PANX1: variants seen among roughly 807,000 people sequenced by gnomAD.
PANX1 encodes pannexin-1.
PANX1 carries 30 observed loss-of-function variants against 38.7 expected under a neutral mutation model. That is an observed-to-expected ratio of 0.78 (90% CI 0.58 to 1.05). The LOEUF (loss-of-function observed/expected upper bound fraction) is 1.05. Ranked by LOEUF, PANX1 falls within the 50% of genes least tolerant of loss-of-function variation. PANX1 has a pLI of 0.00. For missense variants in PANX1, 551 were observed against 517.2 expected (o/e 1.07, Z -0.63); for synonymous variants, 230 against 212.2 (o/e 1.08, Z -0.73).
At chr11:94,169,785 G>A (rs750153581) in intron 2 of PANX1, among the ~76,000 whole-genome samples, 2 of 151,586 alleles carry the variant, frequency 1.3e-5, no homozygotes, top group Non-Finnish European at 2.9e-5. Context: ...ACTCGGGAGG[G>A]AGCATGGCCC....
chr11:94,175,088 G>T (rs550991183), intron 2 of PANX1, among the ~76,000 whole-genome samples: 10 of 151,864 alleles, frequency 6.6e-5, no homozygotes, highest in African/African-American at 2.4e-4. Flanking sequence ...ATGTGGAGTT[G>T]ACACAGCTTA....
Position 94,129,199 on chromosome 11 carries a change from G to A in PANX1, c.-114G>A. On this transcript the variant is annotated 5_prime_UTR_variant, in exon 1 of 5. Transcript: ENST00000227638. ...AAAGGCAGGCGGGATGCGGGAGCAG[G>A]CAAAGGGAAAGCGAAAGCCGCGCGC... 1 of 836,980 alleles carries A rather than the reference G, an allele frequency of 1.2e-6. No homozygotes were observed. The highest frequency in any genetic ancestry group is 1.8e-5 in the South Asian group (1 of 55,470). 51.8% of individuals were successfully genotyped at this position (836,980 alleles called of 1,614,324 possible). A position where few individuals can be genotyped will look rare whatever the true frequency, so the allele number is the denominator to read the frequency against.
intron 2 of PANX1, among the ~76,000 whole-genome samples, chr11:94,156,506 C>A (rs1034842269): frequency 1.3e-5 from 2 of 152,068 alleles, no homozygotes; most frequent in African/African-American, 4.8e-5. Context: ...AAAGGCTGTT[C>A]CTTGAGAATA....
chr11:94,146,077 C>T (rs1317116833), intron 1 of PANX1, among the ~76,000 whole-genome samples: 1 of 152,164 alleles, frequency 6.6e-6, no homozygotes, highest in East Asian at 1.9e-4. Flanking sequence ...TGGCCAGTTG[C>T]AGAGTGGAAA....
chr11:94,181,939 A>G lies in PANX1; in HGVS notation c.*1070A>G, dbSNP rs1051388138. ...AATTCTAGCACTGGTGGAGAATTAT[A>G]GAATAAAGATTATAAATGGTTGGAT... is the stretch of plus-strand genomic sequence containing the variant. On this transcript the variant is annotated 3_prime_UTR_variant, in exon 5 of 5. Transcript: ENST00000227638. 1.3e-5 allele frequency: 2 copies of G among 152,254 alleles called. No homozygotes were observed. The highest frequency in any genetic ancestry group is 2.9e-5 in the Non-Finnish European group (2 of 68,036). The allele number at this position is 152,254 out of a possible 1,614,324, so 9.4% of individuals were successfully genotyped here. A position where few individuals can be genotyped will look rare whatever the true frequency, so the allele number is the denominator to read the frequency against.
chr11:94,179,875 C>T lies in PANX1; in HGVS notation c.819C>T (p.Phe273=). Residue 273 remains phenylalanine, a synonymous_variant, in exon 4 of 5, where the codon TTC becomes TTT. Transcript: ENST00000227638. ...FQCKLIAVGI[F]QLLSVINLVV... ...GCAAACTCATTGCCGTGGGCATCTT[C>T]CAGTTGCTCAGTGTCATTAACCTTG... 1 of 1,614,074 alleles carries T rather than the reference C, an allele frequency of 6.2e-7. No individual in the cohort carries two copies. The highest frequency in any genetic ancestry group is 2.2e-5 in the East Asian group (1 of 44,862).
chr11:94,144,691 C>T (rs187409477), intron 1 of PANX1, among the ~76,000 whole-genome samples: 7 of 152,274 alleles, frequency 4.6e-5, no homozygotes, highest in Admixed American at 3.9e-4. Context: ...AGTGCCCATC[C>T]TTCTCCACTC....
intron 2 of PANX1, among the ~76,000 whole-genome samples, chr11:94,167,140 C>G (rs1215893042): frequency 6.6e-6 from 1 of 152,138 alleles, no homozygotes; most frequent in African/African-American, 2.4e-5. Flanking sequence ...TTTGACAAGG[C>G]AGCACTGAGT....
Position 94,180,507 on chromosome 11 carries a change from CTCTG to C in PANX1, c.1201+258_1201+261del, listed in dbSNP as rs145455235. 3.9e-3 allele frequency among the ~76,000 whole-genome samples: 599 copies of C among 152,296 alleles called. 4 individuals carry two copies. Among genetic ancestry groups the C allele is most frequent in the African/African-American group, 0.014 (574 of 41,566 alleles). On this transcript the variant is annotated intron_variant, in intron 4 of 4. Coordinates refer to ENST00000227638, the MANE Select transcript of PANX1 (RefSeq NM_015368.4). ...GTGCTTTTTCTGGTTTTTCCCTCTT[CTCTG>C]TCTGTCTCACACTCTCTCTTGCTCA...
chr11:94,148,793 T>C (rs1203500449), intron 1 of PANX1, among the ~76,000 whole-genome samples: 1 of 152,204 alleles, frequency 6.6e-6, no homozygotes, highest in African/African-American at 2.4e-5. Context: ...TTGTACTTGA[T>C]ATAATCATCA....
At chr11:94,155,599 G>A (rs4237562) in intron 2 of PANX1, among the ~76,000 whole-genome samples, 120,105 of 152,170 alleles carry the variant, frequency 0.79, 48,357 homozygotes, top group African/African-American at 0.94. Context: ...AAGTGGAAGT[G>A]GAACATCATA....
chr11:94,179,528 G>T, intron 3 of PANX1, 74 bp from the exon 4 acceptor site: 1 of 1,062,670 alleles, frequency 9.4e-7, no homozygotes, highest in Non-Finnish European at 1.4e-6. Context: ...TGACATTGTT[G>T]AATGTGTATC....
chr11:94,145,902 G>A (rs2134485531), intron 1 of PANX1, among the ~76,000 whole-genome samples: 1 of 152,290 alleles, frequency 6.6e-6, no homozygotes, highest in African/African-American at 2.4e-5. Flanking sequence ...AGAAGTAAAA[G>A]TTTCCATCTC....
Position 94,157,070 on chromosome 11 carries a change from T to C in PANX1, c.321+3440T>C, listed in dbSNP as rs917735929. On this transcript the variant is annotated intron_variant, in intron 2 of 4. Coordinates refer to ENST00000227638, the MANE Select transcript of PANX1 (RefSeq NM_015368.4). ...AAGGACATGAACTCATCCTTTTTTA[T>C]GGCTGCATAGTATTCCATGGTGTAT... Among the ~76,000 whole-genome samples, 63 of 152,314 alleles carry C rather than the reference T, an allele frequency of 4.1e-4. 1 individual carries two copies. The highest frequency in any genetic ancestry group is 1.2e-3 in the African/African-American group (48 of 41,562).
intron 1 of PANX1, among the ~76,000 whole-genome samples, chr11:94,135,909 G>A (rs542090105): frequency 2.5e-4 from 38 of 152,238 alleles, no homozygotes; most frequent in African/African-American, 6.5e-4. Context: ...AGAGCTTTCC[G>A]TGCCAGTACA....
intron 1 of PANX1, among the ~76,000 whole-genome samples, chr11:94,145,537 A>T (rs1047417361): frequency 3.3e-5 from 5 of 152,180 alleles, no homozygotes; most frequent in Admixed American, 2.6e-4. Context: ...TGGAACCACA[A>T]TCTTTGGCCT....
intron 1 of PANX1, among the ~76,000 whole-genome samples, chr11:94,147,552 C>G (rs1309934924): frequency 6.6e-6 from 1 of 152,168 alleles, no homozygotes; most frequent in Non-Finnish European, 1.5e-5. Flanking sequence ...GTCATCCTGT[C>G]TTCGTGGTTG....
At chr11:94,140,983 A>G (rs550723075) in intron 1 of PANX1, among the ~76,000 whole-genome samples, 18 of 152,306 alleles carry the variant, frequency 1.2e-4, no homozygotes, top group African/African-American at 3.6e-4. Flanking sequence ...CTCATTCATT[A>G]TGTTGTAATA....
intron 1 of PANX1, among the ~76,000 whole-genome samples, chr11:94,145,000 G>A (rs181852990): frequency 6.6e-6 from 1 of 152,222 alleles, no homozygotes; most frequent in East Asian, 1.9e-4. Flanking sequence ...ATGGAAAGGA[G>A]CTCATATGTC....
Sources: gnomAD v4.1 joint callset for allele counts (sites outside exome capture counted in the v4.1 genomes callset) on GRCh38, gnomAD v4.1.1 for gene constraint, MANE v1.5 for transcripts, NCBI Gene and HGNC (gene_info 2026-07-23, HGNC 2026-07-21) for gene names.